Variants in MYO15A observed in about 807,000 individuals in gnomAD.
MYO15A encodes the protein myosin XVA.
In MYO15A, 308 loss-of-function variants were observed where a neutral mutation model predicts 394.6. The observed-to-expected ratio is 0.78, with a 90% CI of 0.71 to 0.86. The LOEUF (loss-of-function observed/expected upper bound fraction) is 0.86, where lower values mean the gene tolerates loss of function less well. MYO15A is among the 40% of genes least tolerant of loss of function. MYO15A has a pLI of 0.00. For missense variants in MYO15A, 4,606 were observed against 4,799.1 expected (o/e 0.96, Z 1.19); for synonymous variants, 1,957 against 2,003.8 (o/e 0.98, Z 0.62).
chr17:18,149,214 A>G lies in MYO15A; in HGVS notation c.6957-2A>G. ...GTAGCTCCATGTTCCTTTTCTCCACAGGGTGTTTGGGAACAGCTGGGACTC... is the reference window on the plus strand; with the variant it reads ...GTAGCTCCATGTTCCTTTTCTCCACGGGGTGTTTGGGAACAGCTGGGACTC... On this transcript the variant is annotated splice_acceptor_variant, in intron 33 of 65. Transcript: ENST00000647165. LOFTEE classifies it high-confidence loss of function. The G allele has an allele frequency of 1.9e-6, 3 of 1,613,996 alleles. No individual in the cohort carries two copies. Among genetic ancestry groups the G allele is most frequent in the Non-Finnish European group, 2.5e-6 (3 of 1,179,914 alleles).
chr17:18,130,640 G>T (rs1427800070), intron 7 of MYO15A, among the ~76,000 whole-genome samples, 165 bp from the exon 8 acceptor site: 1 of 152,038 alleles, frequency 6.6e-6, no homozygotes, highest in Non-Finnish European at 1.5e-5. Context: ...CCCCATGGCA[G>T]TCCCCAAGCC....
intron 62 of MYO15A, among the ~76,000 whole-genome samples, chr17:18,171,284 G>A (rs1387250933): frequency 6.6e-6 from 1 of 152,130 alleles, no homozygotes; most frequent in Non-Finnish European, 1.5e-5. Flanking sequence ...CTTCTCCTTG[G>A]GGGCAGAAGG....
In MYO15A at chr17:18,120,357, GC is replaced by G. The variant is rs761219220; in HGVS notation, c.1562del (p.Pro521ArgfsTer108). On this transcript the variant is annotated frameshift_variant, in exon 2 of 66. Coordinates refer to ENST00000647165, the MANE Select transcript of MYO15A (RefSeq NM_016239.4). LOFTEE classifies it high-confidence loss of function. ...ACGAAGAAGAGGACGAGGAGGAGCT[GC>G]CCCCGGTTTCCGCTGTGCCCTACGG... ...ADEEEDEEEL[P>X]PVSAVPYGHP... 1.9e-6 allele frequency: 3 copies of G among 1,612,126 alleles called. No homozygotes were observed. The highest frequency in any genetic ancestry group is 1.3e-5 in the African/African-American group (1 of 75,066).
intron 51 of MYO15A, 52 bp downstream of exon 51, chr17:18,157,952 G>C: frequency 6.9e-7 from 1 of 1,444,978 alleles, no homozygotes; most frequent in Non-Finnish European, 9.1e-7. Context: ...GGAAGGGGCC[G>C]CTGCAGAAGG....
rs1473160143 is a variant in MYO15A, at chr17:18,140,815, A to C, written c.5389A>C (p.Lys1797Gln). The change falls in exon 21 of 66, where the codon AAG becomes CAG. Residue 1797 changes from lysine (K) to glutamine (Q), a missense_variant. Around this residue, in one of 2 missense-constraint regions of MYO15A, gnomAD observed 2,776 missense variants for 3,109.3 expected, o/e 0.89. Transcript: ENST00000647165. ...CAACCCCTTGTTCATGCGTTGCCTG[A>C]AGCCCAACCACAAGAAGGTGAGTGA... is the stretch of plus-strand genomic sequence containing the variant. ...RCNPLFMRCLKPNHKKEPGLF... is the reference protein window; with the variant it reads ...RCNPLFMRCLQPNHKKEPGLF... The C allele has an allele frequency of 3.1e-6, 5 of 1,614,134 alleles. No homozygotes were observed. Among genetic ancestry groups the C allele is most frequent in the Non-Finnish European group, 3.4e-6 (4 of 1,180,036 alleles).
rs1040757524 is a variant in MYO15A, at chr17:18,147,735, G to A, written c.6510-294G>A. ...TATCCTTGGACCTCTGGGCTGGCCT[G>A]AGATACTTCTGGACTAGCCTGGGAC... is the stretch of plus-strand genomic sequence containing the variant. On this transcript the variant is annotated intron_variant, in intron 30 of 65. Transcript: ENST00000647165. The surrounding 1 kb of genome is among the most constrained non-coding windows in gnomAD (Gnocchi z 4.4). Among the ~76,000 whole-genome samples the A allele has an allele frequency of 6.6e-6, 1 of 152,176 alleles. No homozygotes were observed. Among genetic ancestry groups the A allele is most frequent in the Admixed American group, 6.5e-5 (1 of 15,278 alleles).
intron 46 of MYO15A, 39 bp from the exon 47 acceptor site, chr17:18,155,275 G>C: frequency 6.2e-7 from 1 of 1,613,668 alleles, no homozygotes; most frequent in Non-Finnish European, 8.5e-7. Flanking sequence ...TCAGGGATGA[G>C]ACAAGAGGAT....
In MYO15A at chr17:18,157,906, A is replaced by C. The variant is rs2046706880; in HGVS notation, c.8967+6A>C. ...AGGTGGGCCGCAGGAGAGAGGTGAG[A>C]CCAGTGTGGGTGGGGTGGGGCGGGG... On this transcript the variant is annotated splice_donor_region_variant and intron_variant, in intron 51 of 65. Transcript: ENST00000647165. 5.4e-6 allele frequency: 3 copies of C among 554,602 alleles called. No homozygotes were observed. Among genetic ancestry groups the C allele is most frequent in the Admixed American group, 4.5e-5 (1 of 22,030 alleles). The allele number at this position is 554,602 out of a possible 1,614,324, so 34.4% of individuals were successfully genotyped here. A position where few individuals can be genotyped will look rare whatever the true frequency, so the allele number is the denominator to read the frequency against.
chr17:18,157,565 G>C (rs1567657832), intron 50 of MYO15A, 157 bp from the exon 51 acceptor site: 13 of 1,397,670 alleles, frequency 9.3e-6, no homozygotes, highest in Non-Finnish European at 1.2e-5. Flanking sequence ...TTCTTTCCCT[G>C]AGCCTGTTTC....
intron 48 of MYO15A, 41 bp downstream of exon 48, chr17:18,156,377 G>A: frequency 6.2e-7 from 1 of 1,606,000 alleles, no homozygotes; most frequent in Admixed American, 1.7e-5. Flanking sequence ...CCCAGGCTGA[G>A]GGCCAGCAAC....
At chr17:18,124,321 G>A in intron 2 of MYO15A, 162 bp from the exon 3 acceptor site, 1 of 718,310 alleles carries the variant, frequency 1.4e-6, no homozygotes, top group South Asian at 1.5e-5. Flanking sequence ...TGCAGGTTCT[G>A]GGGGCCACAG....
At chr17:18,151,368 T>C in intron 39 of MYO15A, 27 bp from the exon 40 acceptor site, 2 of 1,614,186 alleles carry the variant, frequency 1.2e-6, no homozygotes, top group Middle Eastern at 1.6e-4. Context: ...GGCCTCACCC[T>C]GTTCCCACCG....
Position 18,149,375 on chromosome 17 carries a change from A to AGGT in MYO15A, c.7117_7117+2dup, listed in dbSNP as rs1386378635. 1 of 1,606,818 alleles carries AGGT rather than the reference A, an allele frequency of 6.2e-7. No individual in the cohort carries two copies. ...CCCAAAGAGGGACAGCAACCCACCA[A>AGGT]GGTCAACCAACAATGGCTGCTGTCT... On this transcript the variant is annotated inframe_insertion and splice_region_variant, in exon 34 of 66. Transcript: ENST00000647165.
At chr17:18,137,927 C>A in intron 16 of MYO15A, 188 bp from the exon 17 acceptor site, 1 of 917,924 alleles carries the variant, frequency 1.1e-6, no homozygotes, top group Non-Finnish European at 1.6e-6. Context: ...TGGGCTGTCC[C>A]AGGCAGAGGG....
At chr17:18,160,101 G>C (rs1462106340) in intron 56 of MYO15A, 84 bp downstream of exon 56, 1 of 1,307,620 alleles carries the variant, frequency 7.6e-7, no homozygotes, top group Non-Finnish European at 1.1e-6. Context: ...ACCTCCTCAG[G>C]CCTGACCCCT....
chr17:18,157,089 G>A, intron 49 of MYO15A, 24 bp downstream of exon 49: 1 of 1,613,140 alleles, frequency 6.2e-7, no homozygotes. Flanking sequence ...GGGTGGGCTG[G>A]GGGCAGGAGG....
chr17:18,143,927 C>T lies in MYO15A; in HGVS notation c.6104C>T (p.Ala2035Val). The change falls in exon 28 of 66, where the codon GCT (alanine) becomes GTT (valine). Residue 2035 changes from alanine (A) to valine (V), a missense_variant. Ala to Val is a moderately conservative substitution (Grantham distance 64). This residue lies in a region of MYO15A where 2,776 missense variants were observed against 3,109.3 expected (regional missense o/e 0.89). Transcript: ENST00000647165. The part of the protein sequence containing the change: ...VAPVRTPRLQ[A>V]EPRVTLPLDI... ...CCTGTGAGGACTCCTCGACTCCAGG[C>T]TGAGCCCCGTGTCACACTGCCCCTG... 2 of 1,609,076 alleles carry T rather than the reference C, an allele frequency of 1.2e-6. No homozygotes were observed. Among genetic ancestry groups the T allele is most frequent in the South Asian group, 1.1e-5 (1 of 90,058 alleles).
chr17:18,114,181 C>G (rs1469956647), intron 1 of MYO15A, among the ~76,000 whole-genome samples: 1 of 148,408 alleles, frequency 6.7e-6, no homozygotes, highest in Non-Finnish European at 1.5e-5. Flanking sequence ...TCAAAGTGTA[C>G]AATGCTGTGG....
intron 54 of MYO15A, 117 bp downstream of exon 54, chr17:18,159,464 A>G: frequency 6.8e-7 from 1 of 1,475,660 alleles, no homozygotes; most frequent in Non-Finnish European, 9.4e-7. Context: ...GCCAGCTCAG[A>G]CATGGAACAC....
Sources: allele counts gnomAD v4.1 joint callset (sites outside exome capture counted in the v4.1 genomes callset), GRCh38; gene constraint gnomAD v4.1.1; regional missense constraint gnomAD v4.1.1; non-coding constraint Gnocchi (gnomAD v3.1); transcripts MANE v1.5; gene names NCBI Gene and HGNC (gene_info 2026-07-23, HGNC 2026-07-21).